Variants in NKIRAS1 observed in about 807,000 individuals in gnomAD.
NKIRAS1 encodes NF-kappa-B inhibitor-interacting Ras-like protein 1.
A neutral mutation model predicts 19.8 loss-of-function variants in NKIRAS1; 16 were observed. That is an observed-to-expected ratio of 0.81 (90% CI 0.55 to 1.23). The LOEUF (loss-of-function observed/expected upper bound fraction) is 1.23, where lower values mean the gene tolerates loss of function less well. NKIRAS1 is among the 50% of genes most tolerant of loss of function. NKIRAS1 has a pLI of 0.00. For synonymous variants in NKIRAS1, 88 were observed against 79.0 expected (o/e 1.11, Z -0.61); for missense variants, 184 against 220.0 (o/e 0.84, Z 1.04).
intron 1 of NKIRAS1, among the ~76,000 whole-genome samples, chr3:23,914,531 C>T (rs1328678312): frequency 6.6e-6 from 1 of 152,274 alleles, no homozygotes; most frequent in African/African-American, 2.4e-5. Context: ...ATATATTCAA[C>T]AGGTTTTGCA....
chr3:23,937,343 AAG>A (rs1705414617), intron 1 of NKIRAS1, among the ~76,000 whole-genome samples: 1 of 151,132 alleles, frequency 6.6e-6, no homozygotes, highest in South Asian at 2.1e-4. Context: ...GAAAAAGAAA[AAG>A]AAAAAAAGAA....
intron 1 of NKIRAS1, chr3:23,916,583 G>A (rs1233078375): frequency 1.3e-5 from 2 of 152,306 alleles, no homozygotes; most frequent in African/African-American, 2.4e-5. Flanking sequence ...AAGGGACACA[G>A]CGAGCGCCCC....
At chr3:23,917,734 A>G, upstream of NKIRAS1, 1 of 1,059,188 alleles carries the variant, frequency 9.4e-7, no homozygotes, top group Non-Finnish European at 1.4e-6. Flanking sequence ...GTTGGTGCAG[A>G]GCCATTTTCA....
At chr3:23,940,166 ACC>A (rs1350608934) in intron 1 of NKIRAS1, among the ~76,000 whole-genome samples, 2 of 99,918 alleles carry the variant, frequency 2.0e-5, no homozygotes, top group South Asian at 3.7e-4. Context: ...TCCCATCTCT[ACC>A]AAAAAAAAAA....
Position 23,894,099 on chromosome 3 carries a change from A to G in NKIRAS1, c.337-762T>C, listed in dbSNP as rs72627063. ...TGACTGCTAAGTGTCTGTTAAATGTATGGGCCAAAAACAAAAAAAGTATGT... is the reference window on the plus strand; with the variant it reads ...TGACTGCTAAGTGTCTGTTAAATGTGTGGGCCAAAAACAAAAAAAGTATGT... On this transcript the variant is annotated intron_variant, in intron 4 of 4. Transcript: ENST00000425478. 3.6e-3 allele frequency among the ~76,000 whole-genome samples: 543 copies of G among 152,290 alleles called. 16 individuals carry two copies. The East Asian group carries it at 0.049, about 14-fold the overall frequency.
chr3:23,903,842 G>C (rs1702753708), intron 3 of NKIRAS1, among the ~76,000 whole-genome samples: 1 of 152,098 alleles, frequency 6.6e-6, no homozygotes, highest in Non-Finnish European at 1.5e-5. Context: ...CCATATAGAA[G>C]GGGCCCTCTA....
intron 3 of NKIRAS1, among the ~76,000 whole-genome samples, chr3:23,906,834 T>G (rs1703112036): frequency 6.6e-6 from 1 of 152,188 alleles, no homozygotes; most frequent in South Asian, 2.1e-4. Context: ...TTTTCAAATT[T>G]AAATAATGGT....
chr3:23,901,157 T>C lies in NKIRAS1; in HGVS notation c.95-108A>G. ...TTCTAGGTTTCTTATTTACCACATA[T>C]AATAATCACATTTCTATTTTACTTT... is the stretch of plus-strand genomic sequence containing the variant. On this transcript the variant is annotated intron_variant, in intron 3 of 4. Transcript: ENST00000425478. The C allele has an allele frequency of 1.9e-5, 22 of 1,137,072 alleles. 1 individual carries two copies. The South Asian group carries it at 3.4e-4, about 18-fold the overall frequency. The allele number at this position is 1,137,072 out of a possible 1,614,324, so 70.4% of individuals were successfully genotyped here.
In NKIRAS1 at chr3:23,911,021, G is replaced by A. The variant is rs969833097; in HGVS notation, c.-17-100C>T. 1.4e-5 allele frequency: 12 copies of A among 869,648 alleles called. No homozygotes were observed. The South Asian group carries it at 1.4e-4, about 10-fold the overall frequency. The allele number at this position is 869,648 out of a possible 1,614,324, so 53.9% of individuals were successfully genotyped here. A position where few individuals can be genotyped will look rare whatever the true frequency, so the allele number is the denominator to read the frequency against. ...ATTTAATATGTAACACATGCACAGG[G>A]GAAATTTTCAAATACAGAAAAGGAG... On this transcript the variant is annotated intron_variant, in intron 2 of 4. Transcript: ENST00000425478.
At chr3:23,944,072 T>C (rs1036151029) in intron 1 of NKIRAS1, among the ~76,000 whole-genome samples, 44 of 152,314 alleles carry the variant, frequency 2.9e-4, no homozygotes, top group African/African-American at 9.6e-4. Context: ...TGGTTTGCTC[T>C]AGCAATACCA....
At chr3:23,893,765 C>T (rs933841190) in intron 4 of NKIRAS1, among the ~76,000 whole-genome samples, 1 of 139,494 alleles carries the variant, frequency 7.2e-6, no homozygotes, top group South Asian at 2.3e-4. Context: ...CGCCACTGCA[C>T]TCCAGCCTGG....
At chr3:23,901,235 G>A (rs1333301010) in intron 3 of NKIRAS1, among the ~76,000 whole-genome samples, 186 bp from the exon 4 acceptor site, 1 of 148,698 alleles carries the variant, frequency 6.7e-6, no homozygotes, top group East Asian at 2.0e-4. Flanking sequence ...CTGAAGTGCA[G>A]TGGCTCGATC....
chr3:23,937,249 T>C (rs1705411456), intron 1 of NKIRAS1, among the ~76,000 whole-genome samples: 1 of 151,868 alleles, frequency 6.6e-6, no homozygotes, highest in Non-Finnish European at 1.5e-5. Context: ...CGTGTGCCTG[T>C]AGTCCCAGCT....
In NKIRAS1 at chr3:23,909,616, T is replaced by G. The variant is rs550027989; in HGVS notation, c.94+1195A>C. ...TTATCTAACACAAACGTCATTTCAT[T>G]CTAACCTGTGATATCTATCTTCCTT... On this transcript the variant is annotated intron_variant, in intron 3 of 4. Coordinates refer to ENST00000425478, the MANE Select transcript of NKIRAS1 (RefSeq NM_020345.4). Among the ~76,000 whole-genome samples, 82 of 152,296 alleles carry G rather than the reference T, an allele frequency of 5.4e-4. No homozygotes were observed. In the South Asian group the frequency reaches 0.017, roughly 32 times the overall value.
rs71622762 is a variant in NKIRAS1, at chr3:23,928,291, A to AAAATAAATAAATAAAT, written c.-139-16857_-139-16842dup. Among the ~76,000 whole-genome samples the AAAATAAATAAATAAAT allele has an allele frequency of 9.0e-5, 13 of 144,766 alleles. 1 individual carries two copies. The highest frequency in any genetic ancestry group is 2.0e-4 in the East Asian group (1 of 4,990). 95.0% of individuals were successfully genotyped at this position (144,766 alleles called of 152,430 possible). A position where few individuals can be genotyped will look rare whatever the true frequency, so the allele number is the denominator to read the frequency against. ...GGCAACAGAGCAAGACTCTGTCTCA[A>AAAATAAATAAATAAAT]AAATAAATAAATAAATAAATAAATA... On this transcript the variant is annotated intron_variant, in intron 1 of 4. Transcript: ENST00000421515.
At chr3:23,918,182 A>C, upstream of NKIRAS1, 1 of 1,052,798 alleles carries the variant, frequency 9.5e-7, no homozygotes, top group Non-Finnish European at 1.4e-6. Flanking sequence ...TACTGTATGC[A>C]CTGTTGTCTA....
intron 1 of NKIRAS1, among the ~76,000 whole-genome samples, chr3:23,941,772 C>G (rs1380661429): frequency 6.6e-6 from 1 of 152,144 alleles, no homozygotes. Context: ...CTACTAGTTA[C>G]TTGCAAAGTC....
At chr3:23,939,618 G>T (rs1459527423) in intron 1 of NKIRAS1, among the ~76,000 whole-genome samples, 1 of 152,218 alleles carries the variant, frequency 6.6e-6, no homozygotes, top group African/African-American at 2.4e-5. Context: ...GCATGTGCCT[G>T]TAATCCCAGC....
At chr3:23,906,158 C>CAA (rs377092022) in intron 3 of NKIRAS1, among the ~76,000 whole-genome samples, 2,470 of 97,270 alleles carry the variant, frequency 0.025, 110 homozygotes, top group African/African-American at 0.054. Flanking sequence ...GACTCCGTCT[C>CAA]AAAAAAAAAA....
Sources: gnomAD v4.1 joint callset for allele counts (sites outside exome capture counted in the v4.1 genomes callset) on GRCh38, gnomAD v4.1.1 for gene constraint, MANE v1.5 for transcripts, NCBI Gene and HGNC (gene_info 2026-07-23, HGNC 2026-07-21) for gene names.